Variants in ANKFN1 observed in about 807,000 individuals in gnomAD.
The protein encoded by ANKFN1 is ankyrin repeat and fibronectin type III domain containing 1.
Under a neutral mutation model 108.7 loss-of-function variants are expected in ANKFN1, and 74 were observed. That is an observed-to-expected ratio of 0.68 (90% CI 0.56 to 0.83). The LOEUF (loss-of-function observed/expected upper bound fraction) is 0.83. Among genes scored for constraint, ANKFN1 ranks in the 40% least tolerant of loss-of-function variants. The probability of loss-of-function intolerance (pLI) is 0.00; values close to 1 mark genes in which losing one functional copy is unlikely to be tolerated. For missense variants in ANKFN1, 1,505 were observed against 1,382.3 expected (o/e 1.09, Z -1.41); for synonymous variants, 547 against 516.2 (o/e 1.06, Z -0.81).
At position 56,263,784 on chromosome 17, in the gene ANKFN1, T is replaced by C. The variant is rs533921242; in HGVS notation, c.53+35827T>C. Reference sequence around the variant, plus strand: ...ATACTTCCAAGCATCCAACTGTTTATTTGAGCAGTCTCTTTTGATACCATT... The same window carrying C: ...ATACTTCCAAGCATCCAACTGTTTACTTGAGCAGTCTCTTTTGATACCATT... On this transcript the variant is annotated intron_variant, in intron 3 of 20. Transcript: ENST00000682825. Among the ~76,000 whole-genome samples the C allele has an allele frequency of 8.5e-5, 13 of 152,346 alleles. No individual in the cohort carries two copies. In the South Asian group the frequency reaches 2.7e-3, roughly 32 times the overall value.
At chr17:56,390,162 G>A (rs1448378066) in intron 8 of ANKFN1, among the ~76,000 whole-genome samples, 1 of 151,960 alleles carries the variant, frequency 6.6e-6, no homozygotes, top group Non-Finnish European at 1.5e-5. Context: ...AGCCCCACAT[G>A]CATTACGTAT....
chr17:56,165,691 A>G (rs138218596), intron 1 of ANKFN1, among the ~76,000 whole-genome samples: 41 of 152,250 alleles, frequency 2.7e-4, no homozygotes, highest in African/African-American at 9.4e-4. Flanking sequence ...TCAGAGAAAC[A>G]ATCAACTTTA....
intron 8 of ANKFN1, among the ~76,000 whole-genome samples, chr17:56,433,831 A>T (rs78864293): frequency 5.3e-5 from 5 of 94,438 alleles, no homozygotes; most frequent in Admixed American, 4.3e-4. Flanking sequence ...CTATGGAAAT[A>T]AAAAAAAAAA....
chr17:56,121,037 G>T (rs1906584177), intron 4 of ANKFN1, among the ~76,000 whole-genome samples: 1 of 151,848 alleles, frequency 6.6e-6, no homozygotes, highest in Admixed American at 6.6e-5. Context: ...ATAGCACTTA[G>T]TGATTAATCT....
At chr17:56,377,072 G>T (rs1239235699) in intron 8 of ANKFN1, among the ~76,000 whole-genome samples, 2 of 152,202 alleles carry the variant, frequency 1.3e-5, no homozygotes, top group Non-Finnish European at 2.9e-5. Flanking sequence ...TATCTAATTG[G>T]TTAGAGGGAA....
Position 56,147,662 on chromosome 17 carries a change from A to G in ANKFN1, c.289-80255A>G, listed in dbSNP as rs1229442310. ...TTGACGTGTGGGGATTATTGGAACT[A>G]CAATTCAAGATGAGATTTTGGTGGG... On this transcript the variant is annotated intron_variant, in intron 4 of 12. Transcript: ENST00000635860. 7.9e-5 allele frequency among the ~76,000 whole-genome samples: 12 copies of G among 152,346 alleles called. No homozygotes were observed. In the East Asian group the frequency reaches 2.3e-3, roughly 29 times the overall value.
Position 56,383,865 on chromosome 17 carries a change from C to G in ANKFN1, c.910+9151C>G, listed in dbSNP as rs185813236. Reference sequence around the variant, plus strand: ...AACTTACCAACCAAAGAGTCCAGGACCAGATGGATTCACAGCCAAATTCTA... The same window carrying G: ...AACTTACCAACCAAAGAGTCCAGGAGCAGATGGATTCACAGCCAAATTCTA... On this transcript the variant is annotated intron_variant, in intron 8 of 20. Coordinates refer to ENST00000682825, the MANE Select transcript of ANKFN1 (RefSeq NM_001370326.1). Among the ~76,000 whole-genome samples the G allele has an allele frequency of 1.1e-3, 163 of 152,272 alleles. 2 individuals are homozygous for G. In the Middle Eastern group the frequency reaches 0.014, roughly 13 times the overall value.
intron 3 of ANKFN1, among the ~76,000 whole-genome samples, chr17:56,284,392 C>T (rs2044164166): frequency 6.6e-6 from 1 of 152,116 alleles, no homozygotes; most frequent in Admixed American, 6.5e-5. Context: ...GAAAATACTC[C>T]TATGATATTT....
At chr17:56,453,808 A>G (rs1226775344) in intron 11 of ANKFN1, among the ~76,000 whole-genome samples, 1 of 147,700 alleles carries the variant, frequency 6.8e-6, no homozygotes, top group Non-Finnish European at 1.5e-5. Context: ...TTTTTTTTTC[A>G]TATTTTGAAG....
chr17:56,439,591 T>A (rs2049033975), intron 8 of ANKFN1, among the ~76,000 whole-genome samples: 1 of 151,804 alleles, frequency 6.6e-6, no homozygotes, highest in Non-Finnish European at 1.5e-5. Flanking sequence ...AAACCCCTTT[T>A]CCAATGAAAA....
At chr17:56,174,067 G>A (rs1910909414) in intron 1 of ANKFN1, 1 of 564,604 alleles carries the variant, frequency 1.8e-6, no homozygotes, top group Admixed American at 6.3e-5. Flanking sequence ...TACTTGCTGT[G>A]CTATCAGGTG....
At chr17:56,061,265 C>CTTTTTTTTTTTTTTTTTTTTT (rs71137190) in intron 4 of ANKFN1, among the ~76,000 whole-genome samples, 1 of 72,914 alleles carries the variant, frequency 1.4e-5, no homozygotes, top group African/African-American at 5.6e-5. Context: ...GGTAGTTTTT[C>CTTTTTTTTTTTTTTTTTTTTT]TTTTTTTTTT....
At chr17:56,297,279 T>A (rs1358055935) in intron 3 of ANKFN1, among the ~76,000 whole-genome samples, 1 of 152,178 alleles carries the variant, frequency 6.6e-6, no homozygotes, top group Non-Finnish European at 1.5e-5. Context: ...CTGTGTGTGG[T>A]GAGCCTGCAG....
chr17:56,323,124 G>A (rs765737015), intron 3 of ANKFN1: 1 of 152,162 alleles, frequency 6.6e-6, no homozygotes, highest in Non-Finnish European at 1.5e-5. Context: ...TAACTGTGGG[G>A]GTGGAATTGG....
chr17:56,262,160 A>G (rs920044754), intron 3 of ANKFN1, among the ~76,000 whole-genome samples: 2 of 152,318 alleles, frequency 1.3e-5, no homozygotes, highest in South Asian at 4.1e-4. Context: ...TCTGAGAATC[A>G]TCTCAGAGAG....
intron 1 of ANKFN1, among the ~76,000 whole-genome samples, chr17:56,160,514 G>A (rs1215105645): frequency 2.0e-5 from 3 of 151,984 alleles, no homozygotes; most frequent in Non-Finnish European, 4.4e-5. Context: ...GCCTACAACT[G>A]AACTTGTGGG....
At chr17:56,292,494 C>A (rs1355953103) in intron 3 of ANKFN1, among the ~76,000 whole-genome samples, 1 of 152,158 alleles carries the variant, frequency 6.6e-6, no homozygotes, top group Non-Finnish European at 1.5e-5. Context: ...AATGGAATGT[C>A]CACTCTTTTC....
At chr17:56,394,081 T>G (rs756118520) in intron 8 of ANKFN1, among the ~76,000 whole-genome samples, 4 of 152,218 alleles carry the variant, frequency 2.6e-5, no homozygotes, top group Non-Finnish European at 5.9e-5. Flanking sequence ...GAATTCACTT[T>G]GCAGTGTAAA....
chr17:56,086,692 GTCT>G (rs1905320069), intron 4 of ANKFN1, among the ~76,000 whole-genome samples: 2 of 151,414 alleles, frequency 1.3e-5, no homozygotes, highest in South Asian at 2.1e-4. Flanking sequence ...AGCCCACGAT[GTCT>G]TCTTTTTTTG....
Sources: gnomAD v4.1 joint callset for allele counts (sites outside exome capture counted in the v4.1 genomes callset) on GRCh38, gnomAD v4.1.1 for gene constraint, MANE v1.5 for transcripts, NCBI Gene and HGNC (gene_info 2026-07-23, HGNC 2026-07-21) for gene names.